The following CPEB1 variants were observed in gnomAD, a reference collection of about 807,000 sequenced individuals.
CPEB1 encodes the protein cytoplasmic polyadenylation element binding protein 1, also known as cytoplasmic polyadenylation element-binding protein 1.
Under a neutral mutation model 65.8 loss-of-function variants are expected in CPEB1, and 7 were observed. The observed-to-expected ratio is 0.11, with a 90% CI of 0.06 to 0.20. CPEB1 has a LOEUF of 0.20. Among genes scored for constraint, CPEB1 ranks in the 10% least tolerant of loss-of-function variants. The pLI, the probability that CPEB1 is intolerant of heterozygous loss-of-function variation, is 1.00. For missense variants in CPEB1, 551 were observed against 712.2 expected (o/e 0.77, Z 2.58); for synonymous variants, 262 against 260.0 (o/e 1.01, Z -0.08).
At chr15:82,593,708 C>T (rs1252305222) in intron 3 of CPEB1, among the ~76,000 whole-genome samples, 1 of 152,184 alleles carries the variant, frequency 6.6e-6, no homozygotes, top group Non-Finnish European at 1.5e-5. Flanking sequence ...GCAGCTCTAG[C>T]CTTATGAAAT....
chr15:82,576,726 T>C (rs1421483982), intron 3 of CPEB1, among the ~76,000 whole-genome samples: 1 of 152,122 alleles, frequency 6.6e-6, no homozygotes, highest in Non-Finnish European at 1.5e-5. Context: ...GATTTGACAA[T>C]AAAAACTGAC....
intron 3 of CPEB1, among the ~76,000 whole-genome samples, chr15:82,613,877 T>C (rs1269134): frequency 0.42 from 63,269 of 151,214 alleles, 13,300 homozygotes; most frequent in South Asian, 0.49. Flanking sequence ...CCCCCCTCAA[T>C]GCCCCCCTGG....
intron 4 of CPEB1, among the ~76,000 whole-genome samples, chr15:82,565,418 C>T (rs2038961406): frequency 6.6e-6 from 1 of 152,154 alleles, no homozygotes; most frequent in African/African-American, 2.4e-5. Flanking sequence ...TACGCAGCAC[C>T]GATTTCCACC....
chr15:82,599,495 A>G (rs896546717), intron 3 of CPEB1, among the ~76,000 whole-genome samples: 2 of 152,220 alleles, frequency 1.3e-5, no homozygotes, highest in Admixed American at 6.5e-5. Flanking sequence ...ATCTTACAGG[A>G]TAGAACTACT....
chr15:82,597,590 T>G (rs1358516851), intron 3 of CPEB1, among the ~76,000 whole-genome samples: 1 of 152,276 alleles, frequency 6.6e-6, no homozygotes, highest in East Asian at 1.9e-4. Flanking sequence ...GCTGCACAGA[T>G]AGAGAAACAG....
intron 3 of CPEB1, 110 bp from the exon 4 acceptor site, chr15:82,571,642 C>T: frequency 1.4e-6 from 2 of 1,466,720 alleles, no homozygotes; most frequent in East Asian, 2.5e-5. Context: ...ACAGGCCAGA[C>T]ATCCAAGCTG....
chr15:82,631,972 A>AT (rs1016573750), intron 1 of CPEB1, among the ~76,000 whole-genome samples: 2 of 123,130 alleles, frequency 1.6e-5, no homozygotes, highest in South Asian at 5.2e-4. Flanking sequence ...GAATTCATTT[A>AT]TTTTTTTCTC....
At position 82,571,389 on chromosome 15, in the gene CPEB1, T is replaced by C. The variant is rs1312155443; in HGVS notation, c.415A>G (p.Ser139Gly). ...GCTGAGGAATCTGAGTCCTGGGTGC[T>C]CCAGGGTCGGTCCCAGCCTGTCAGA... The part of the protein sequence containing the change: ...LSLTGWDRPW[S>G]TQDSDSSAQS... Residue 139 changes from serine (S) to glycine (G), a missense_variant, in exon 4 of 13, where the codon AGC becomes GGC. By Grantham distance (56) the Ser-to-Gly change is moderately conservative. Around this residue, in one of 6 missense-constraint regions of CPEB1, gnomAD observed 223 missense variants for 228.6 expected, o/e 0.98. Transcript: ENST00000684509. The C allele has an allele frequency of 1.2e-6, 2 of 1,614,110 alleles. No individual in the cohort carries two copies. Among genetic ancestry groups the C allele is most frequent in the African/African-American group, 1.3e-5 (1 of 75,032 alleles).
intron 3 of CPEB1, among the ~76,000 whole-genome samples, chr15:82,626,907 T>C (rs2045827400): frequency 6.6e-6 from 1 of 152,252 alleles, no homozygotes; most frequent in Non-Finnish European, 1.5e-5. Context: ...CTGTAACATA[T>C]GTGATCCACA....
At chr15:82,547,289 CTTTT>C (rs71156035) in intron 10 of CPEB1, 52 bp from the exon 11 acceptor site, 4,802 of 386,302 alleles carry the variant, frequency 0.012, no homozygotes, top group Middle Eastern at 0.019. Context: ...CCAAATGCTA[CTTTT>C]TTTTTTTTTT....
At chr15:82,566,565 T>A (rs2039161306) in intron 4 of CPEB1, among the ~76,000 whole-genome samples, 2 of 152,126 alleles carry the variant, frequency 1.3e-5, no homozygotes, top group Admixed American at 1.3e-4. Flanking sequence ...CGACTGTGGA[T>A]CCCACAAGTT....
chr15:82,571,309 C>T (rs758750995), intron 4 of CPEB1, 35 bp downstream of exon 4: 11 of 1,594,170 alleles, frequency 6.9e-6, no homozygotes, highest in Non-Finnish European at 8.6e-6. Flanking sequence ...CCCATGCATC[C>T]CCTTACCCCA....
chr15:82,555,018 C>T (rs1456055097), intron 6 of CPEB1, among the ~76,000 whole-genome samples: 1 of 152,160 alleles, frequency 6.6e-6, no homozygotes, highest in Admixed American at 6.5e-5. Context: ...TGTGAGCAAA[C>T]AGACACACTG....
rs1183121625 is a variant in CPEB1 at position 82,580,352 on chromosome 15, A to G, written c.272-8820T>C. ...AAAAAAAAGAAGAAGAAGAAAAAAG[A>G]AATAATGAAAAGTTTCCCCCTGTTA... On this transcript the variant is annotated intron_variant, in intron 3 of 12. Coordinates refer to ENST00000684509, the MANE Select transcript of CPEB1 (RefSeq NM_001365242.1). Among the ~76,000 whole-genome samples, 28 of 151,908 alleles carry G rather than the reference A, an allele frequency of 1.8e-4. 1 individual carries two copies. Among genetic ancestry groups the G allele is most frequent in the Admixed American group, 1.8e-3 (28 of 15,238 alleles).
intron 1 of CPEB1, chr15:82,633,104 A>G (rs1216731365): frequency 6.6e-6 from 1 of 152,004 alleles, no homozygotes; most frequent in African/African-American, 2.4e-5. Flanking sequence ...TTTGACCTTT[A>G]GTTGGTCTTC....
chr15:82,628,812 C>T (rs1348393648), intron 1 of CPEB1: 1 of 197,728 alleles, frequency 5.1e-6, no homozygotes, highest in Non-Finnish European at 1.0e-5. Flanking sequence ...ACTTAATGAA[C>T]AGTAAATATA....
intron 4 of CPEB1, among the ~76,000 whole-genome samples, chr15:82,561,227 TA>T (rs960857569): frequency 6.6e-6 from 1 of 152,138 alleles, no homozygotes; most frequent in African/African-American, 2.4e-5. Context: ...ATGTGGACAC[TA>T]AAAAGACCGA....
At chr15:82,629,174 T>G in intron 1 of CPEB1, 7 of 704,024 alleles carry the variant, frequency 9.9e-6, no homozygotes, top group Non-Finnish European at 1.2e-5. Context: ...TCACAGTTAC[T>G]TAACCTCTAT....
chr15:82,628,148 G>A, intron 2 of CPEB1: 1 of 696,702 alleles, frequency 1.4e-6, no homozygotes, highest in South Asian at 1.5e-5. Context: ...CAGTGACAAT[G>A]CCATCATTGT....
Sources: allele counts gnomAD v4.1 joint callset (sites outside exome capture counted in the v4.1 genomes callset), GRCh38; gene constraint gnomAD v4.1.1; regional missense constraint gnomAD v4.1.1; transcripts MANE v1.5; gene names NCBI Gene and HGNC (gene_info 2026-07-23, HGNC 2026-07-21).